OR11G2: variants seen among roughly 807,000 people sequenced by gnomAD.
The protein encoded by OR11G2 is olfactory receptor 11G2.
In OR11G2, 2 loss-of-function variants were observed where a neutral mutation model predicts 0.9. The observed-to-expected ratio is 2.35, with a 90% confidence interval of 0.96 to 7.38. OR11G2 has a LOEUF of 7.38. Ranked by LOEUF, OR11G2 falls within the 30% of genes most tolerant of loss-of-function variation. OR11G2 has a pLI of 0.05. For missense variants in OR11G2, 395 were observed against 371.3 expected, an observed-to-expected ratio of 1.06 and a Z score of -0.52; for synonymous variants, 153 against 142.0, an observed-to-expected ratio of 1.08 and a Z score of -0.55.
intron 1 of OR11G2, among the ~76,000 whole-genome samples, chr14:20,192,346 A>G (rs190506081): frequency 2.6e-5 from 4 of 152,384 alleles, no homozygotes; most frequent in Non-Finnish European, 2.9e-5. Flanking sequence ...CCCATTTCAT[A>G]TAAAGAAAAT....
intron 1 of OR11G2, among the ~76,000 whole-genome samples, chr14:20,194,966 A>AC (rs1879722401): frequency 6.6e-6 from 1 of 152,182 alleles, no homozygotes; most frequent in African/African-American, 2.4e-5. Flanking sequence ...ATAAAAGATA[A>AC]ATATGCAGTC....
intron 1 of OR11G2, among the ~76,000 whole-genome samples, chr14:20,192,741 T>C (rs1484349958): frequency 2.0e-5 from 3 of 152,206 alleles, no homozygotes; most frequent in Admixed American, 2.0e-4. Context: ...GACAATCATT[T>C]TTTAACAAAT....
At position 20,197,682 on chromosome 14, in the gene OR11G2, T is replaced by A. The variant is rs1354397551; in HGVS notation, c.245T>A (p.Val82Asp). ...FLEICYVTST[V>D]PSMLANFLSD... is the part of the protein sequence containing the mutation. ...GAGATATGTTATGTCACCTCCACAG[T>A]CCCCAGCATGCTGGCCAACTTCCTC... The change falls in exon 2 of 2, where the codon GTC becomes GAC. Residue 82 changes from valine to aspartate, a missense_variant. Transcript: ENST00000641879. 1 of 1,613,826 alleles carries A rather than the reference T, an allele frequency of 6.2e-7. No homozygotes were observed. The highest frequency in any genetic ancestry group is 8.5e-7 in the Non-Finnish European group (1 of 1,179,888).
At chr14:20,193,439 G>A (rs556442013) in intron 1 of OR11G2, among the ~76,000 whole-genome samples, 41 of 152,274 alleles carry the variant, frequency 2.7e-4, no homozygotes, top group African/African-American at 9.6e-4. Flanking sequence ...GCCTCACCAA[G>A]GAGCTTCTGT....
At position 20,197,828 on chromosome 14, in the gene OR11G2, T is replaced by A. The variant is rs892483701; in HGVS notation, c.391T>A (p.Cys131Ser). ...GGCATTTGATCGATACCTTGCCATCTGTCGGCCTCTACGCTATCCAACCAT... is the reference window on the plus strand; with the variant it reads ...GGCATTTGATCGATACCTTGCCATCAGTCGGCCTCTACGCTATCCAACCAT... ...VMAFDRYLAICRPLRYPTIMT... is the reference protein window; with the variant it reads ...VMAFDRYLAISRPLRYPTIMT... Residue 131 changes from cysteine to serine, a missense_variant, in exon 2 of 2, where the codon TGT becomes AGT. Coordinates refer to ENST00000641879, the MANE Select transcript of OR11G2 (RefSeq NM_001386033.1). 8 of 1,614,066 alleles carry A rather than the reference T, an allele frequency of 5.0e-6. No homozygotes were observed. Among genetic ancestry groups the A allele is most frequent in the Non-Finnish European group, 6.8e-6 (8 of 1,180,036 alleles).
chr14:20,199,003 T>A lies in OR11G2; in HGVS notation c.*630T>A, dbSNP rs1028976692. 1.3e-5 allele frequency: 2 copies of A among 152,192 alleles called. No individual in the cohort carries two copies. The highest frequency in any genetic ancestry group is 1.3e-4 in the Admixed American group (2 of 15,288). 9.4% of individuals were successfully genotyped at this position (152,192 alleles called of 1,614,324 possible). A position where few individuals can be genotyped will look rare whatever the true frequency, so the allele number is the denominator to read the frequency against. On this transcript the variant is annotated 3_prime_UTR_variant, in exon 2 of 2. Coordinates refer to ENST00000641879, the MANE Select transcript of OR11G2 (RefSeq NM_001386033.1). ...ATTGATTCTATTTAAGCACTACTTG[T>A]ATGTGTTTTTAAAATGATCTGTGCT...
chr14:20,192,810 A>C (rs1301768663), intron 1 of OR11G2, among the ~76,000 whole-genome samples: 3 of 152,218 alleles, frequency 2.0e-5, no homozygotes, highest in Non-Finnish European at 2.9e-5. Context: ...ATAAAGAGTG[A>C]ACTTGAAGTA....
In OR11G2 at chr14:20,196,245, T is replaced by C. The variant is rs148747636; in HGVS notation, c.-4-1189T>C. Among the ~76,000 whole-genome samples, 543 of 152,358 alleles carry C rather than the reference T, an allele frequency of 3.6e-3. 2 individuals carry two copies. The highest frequency in any genetic ancestry group is 0.012 in the African/African-American group (502 of 41,582). ...GAAGACAGAGAGCTTTTCTTGTATC[T>C]GCTTTTTCTCAATTGCCTTCAGCTG... is the stretch of plus-strand genomic sequence containing the variant. On this transcript the variant is annotated intron_variant, in intron 1 of 1. Transcript: ENST00000641879.
At position 20,191,237 on chromosome 14, in the gene OR11G2, G is replaced by T. The variant is rs768736349; in HGVS notation, c.-434G>T. The T allele has an allele frequency of 6.6e-6, 1 of 152,164 alleles. No individual in the cohort carries two copies. Among genetic ancestry groups the T allele is most frequent in the Admixed American group, 6.5e-5 (1 of 15,268 alleles). The allele number at this position is 152,164 out of a possible 1,614,324, so 9.4% of individuals were successfully genotyped here. On this transcript the variant is annotated 5_prime_UTR_variant, in exon 1 of 2. The change creates a new upstream start codon in the 5' untranslated region. Coordinates refer to ENST00000641879, the MANE Select transcript of OR11G2 (RefSeq NM_001386033.1). ...TCAAGGACTTTGCAGAAAGTAAATA[G>T]GTGTAATGATATGTAGTCAAAATCA...
intron 1 of OR11G2, among the ~76,000 whole-genome samples, chr14:20,191,956 G>A (rs150643054): frequency 3.4e-5 from 5 of 148,078 alleles, no homozygotes; most frequent in Non-Finnish European, 5.9e-5. Flanking sequence ...GCAGTGGCAC[G>A]ATCACGGCTC....
chr14:20,196,771 T>C (rs1879760057), intron 1 of OR11G2, among the ~76,000 whole-genome samples: 1 of 152,212 alleles, frequency 6.6e-6, no homozygotes, highest in Admixed American at 6.5e-5. Context: ...TTCAGCCTGG[T>C]CTACTGAGGA....
At chr14:20,195,379 A>G (rs530503375) in intron 1 of OR11G2, among the ~76,000 whole-genome samples, 101 of 152,232 alleles carry the variant, frequency 6.6e-4, no homozygotes, top group African/African-American at 2.4e-3. Flanking sequence ...TATCTATACT[A>G]AACATACAAA....
rs2139112792 is a variant in OR11G2, at chr14:20,197,536, G to T, written c.99G>T (p.Val33=). 4 of 1,614,072 alleles carry T rather than the reference G, an allele frequency of 2.5e-6. No homozygotes were observed. The highest frequency in any genetic ancestry group is 3.4e-6 in the Non-Finnish European group (4 of 1,179,986). ...GGGAGGGGCAGATCCTCCTCTTTGT[G>T]CTCTTCACTGTTGTTTACCTCCTGA... ...CPREGQILLF[V]LFTVVYLLTL... Residue 33 remains valine (V), a synonymous_variant, in exon 2 of 2, where the codon GTG becomes GTT. Transcript: ENST00000641879.
Position 20,199,216 on chromosome 14 carries a change from T to C in OR11G2, c.*843T>C, listed in dbSNP as rs1879850973. 1 of 152,234 alleles carries C rather than the reference T, an allele frequency of 6.6e-6. No homozygotes were observed. The allele number at this position is 152,234 out of a possible 1,614,324, so 9.4% of individuals were successfully genotyped here. A position where few individuals can be genotyped will look rare whatever the true frequency, so the allele number is the denominator to read the frequency against. On this transcript the variant is annotated 3_prime_UTR_variant, in exon 2 of 2. Coordinates refer to ENST00000641879, the MANE Select transcript of OR11G2 (RefSeq NM_001386033.1). ...TTGCTCTTTAGACTCTCAGCTTTTG[T>C]TTCTGCTAGCTATTTTGGGGTCTCA...
At chr14:20,196,810 G>T (rs1879761297) in intron 1 of OR11G2, among the ~76,000 whole-genome samples, 1 of 152,194 alleles carries the variant, frequency 6.6e-6, no homozygotes, top group Non-Finnish European at 1.5e-5. Context: ...TAACACAAAA[G>T]AAACTGACAA....
intron 1 of OR11G2, among the ~76,000 whole-genome samples, chr14:20,196,102 A>G (rs578139135): frequency 1.3e-5 from 2 of 152,346 alleles, no homozygotes; most frequent in South Asian, 4.1e-4. Context: ...CTCTGGTGCC[A>G]TCTCCAGGCG....
Position 20,198,490 on chromosome 14 carries a change from A to C in OR11G2, c.*117A>C. 1.4e-6 allele frequency: 1 copy of C among 699,118 alleles called. No homozygotes were observed. Among genetic ancestry groups the C allele is most frequent in the East Asian group, 2.6e-5 (1 of 38,092 alleles). The allele number at this position is 699,118 out of a possible 1,614,324, so 43.3% of individuals were successfully genotyped here. ...ACGCCTGTAATCCCAGCACTTTGGG[A>C]GCCCGAGGCGGGTGGATCACGAGGT... On this transcript the variant is annotated 3_prime_UTR_variant, in exon 2 of 2. Transcript: ENST00000641879.
In OR11G2 at chr14:20,198,645, C is replaced by G. The variant is rs369137835; in HGVS notation, c.*272C>G. The G allele has an allele frequency of 1.0e-5, 2 of 191,096 alleles. No individual in the cohort carries two copies. Among genetic ancestry groups the G allele is most frequent in the Non-Finnish European group, 2.2e-5 (2 of 92,652 alleles). 11.8% of individuals were successfully genotyped at this position (191,096 alleles called of 1,614,324 possible). ...TCGGGAGGCTGAGGCAGGAGAATGG[C>G]GTGAACCCGGGAGGCGGAGCTTGCA... On this transcript the variant is annotated 3_prime_UTR_variant, in exon 2 of 2. Coordinates refer to ENST00000641879, the MANE Select transcript of OR11G2 (RefSeq NM_001386033.1).
rs1438365783 is a variant in OR11G2, at chr14:20,198,220, C to T, written c.783C>T (p.Val261=). The change falls in exon 2 of 2, where the codon GTC becomes GTT. Residue 261 remains valine, a synonymous_variant. Transcript: ENST00000641879. ...VVSLFYGSVL[V]MYGSPPSKNE... is the part of the protein sequence containing the mutation. The stretch of plus-strand genomic sequence containing the variant: ...CACTGTTCTACGGCTCAGTACTGGT[C>T]ATGTATGGGAGCCCACCATCTAAGA... 6.2e-7 allele frequency: 1 copy of T among 1,614,066 alleles called. No individual in the cohort carries two copies. Among genetic ancestry groups the T allele is most frequent in the Non-Finnish European group, 8.5e-7 (1 of 1,180,024 alleles).
Sources: gnomAD v4.1 joint callset for allele counts (sites outside exome capture counted in the v4.1 genomes callset) on GRCh38, gnomAD v4.1.1 for gene constraint, MANE v1.5 for transcripts, NCBI Gene and HGNC (gene_info 2026-07-23, HGNC 2026-07-21) for gene names.